The following NAALADL2 variants were observed in gnomAD, a reference collection of about 807,000 sequenced individuals.
NAALADL2 encodes the protein N-acetylated alpha-linked acidic dipeptidase like 2, also known as inactive N-acetylated-alpha-linked acidic dipeptidase-like protein 2.
NAALADL2 carries 76 observed loss-of-function variants against 87.2 expected under a neutral mutation model. The observed-to-expected ratio is 0.87, with a 90% CI of 0.72 to 1.05. The LOEUF is 1.05. NAALADL2 is among the 50% of genes least tolerant of loss of function. The pLI is 0.00. For missense variants in NAALADL2, 1,089 were observed against 945.8 expected, an observed-to-expected ratio of 1.15 and a Z score of -1.99; for synonymous variants, 354 against 331.0, an observed-to-expected ratio of 1.07 and a Z score of -0.75.
At chr3:175,357,675 C>T (rs892751344) in intron 5 of NAALADL2, among the ~76,000 whole-genome samples, 3 of 152,130 alleles carry the variant, frequency 2.0e-5, no homozygotes, top group African/African-American at 7.2e-5. Flanking sequence ...CTGAACCTAA[C>T]AAGATATGTC....
rs1295358460 is a variant in NAALADL2 at position 174,644,468 on chromosome 3, T to A, written c.-114-93173T>A. 3.9e-5 allele frequency among the ~76,000 whole-genome samples: 6 copies of A among 152,168 alleles called. No homozygotes were observed. The East Asian group carries it at 1.2e-3, about 29-fold the overall frequency. On this transcript the variant is annotated intron_variant, in intron 2 of 3. Transcript: ENST00000434257. ...AAGGAGGAAGAGGAAGAGGAATGGTTGATCTTGCTGTCTCCAGGGTGGCAG... is the reference window on the plus strand; with the variant it reads ...AAGGAGGAAGAGGAAGAGGAATGGTAGATCTTGCTGTCTCCAGGGTGGCAG...
At chr3:174,816,126 C>G (rs2861849) in intron 3 of NAALADL2, among the ~76,000 whole-genome samples, 30,123 of 151,804 alleles carry the variant, frequency 0.2, 3,597 homozygotes, top group African/African-American at 0.32. Context: ...TTATATATTC[C>G]TTTAAATTGT....
intron 5 of NAALADL2, among the ~76,000 whole-genome samples, chr3:175,333,406 G>A (rs576453823): frequency 2.6e-5 from 4 of 152,236 alleles, no homozygotes; most frequent in South Asian, 4.1e-4. Flanking sequence ...CCCAGGTGGT[G>A]GCTGTAAGCA....
intron 9 of NAALADL2, among the ~76,000 whole-genome samples, chr3:175,566,514 G>T (rs1302701051): frequency 6.6e-6 from 1 of 152,072 alleles, no homozygotes; most frequent in Non-Finnish European, 1.5e-5. Context: ...TCTTTCTAAA[G>T]ACTGTATATT....
chr3:174,873,491 G>A (rs555979571), intron 1 of NAALADL2, among the ~76,000 whole-genome samples: 54 of 152,044 alleles, frequency 3.6e-4, no homozygotes, highest in Non-Finnish European at 5.4e-4. Context: ...CCGACCTTGC[G>A]ATCCACCCAC....
At chr3:174,902,451 G>T (rs1732430827) in intron 1 of NAALADL2, among the ~76,000 whole-genome samples, 1 of 151,954 alleles carries the variant, frequency 6.6e-6, no homozygotes, top group Non-Finnish European at 1.5e-5. Context: ...GGGGGGTGGG[G>T]TTTAACTAAA....
At chr3:175,059,044 T>C (rs1021401462) in intron 1 of NAALADL2, among the ~76,000 whole-genome samples, 1 of 152,194 alleles carries the variant, frequency 6.6e-6, no homozygotes, top group African/African-American at 2.4e-5. Context: ...TGGTGGTGTA[T>C]TGAAAATGCT....
intron 1 of NAALADL2, among the ~76,000 whole-genome samples, chr3:174,444,428 A>G (rs10936791): frequency 0.27 from 41,518 of 152,100 alleles, 6,083 homozygotes; most frequent in South Asian, 0.45. Context: ...GAATACTTTG[A>G]GATTCTAAGA....
intron 2 of NAALADL2, among the ~76,000 whole-genome samples, chr3:175,204,929 C>T (rs989568425): frequency 6.6e-6 from 1 of 151,938 alleles, no homozygotes; most frequent in Non-Finnish European, 1.5e-5. Context: ...AGGAAAACTA[C>T]AAAACACTGC....
chr3:175,197,364 ATATC>A (rs1739180671), intron 2 of NAALADL2, among the ~76,000 whole-genome samples: 3 of 152,186 alleles, frequency 2.0e-5, no homozygotes, highest in African/African-American at 7.2e-5. Context: ...AAAATAGACT[ATATC>A]TACGTATATT....
intron 5 of NAALADL2, among the ~76,000 whole-genome samples, chr3:175,380,485 C>T (rs919975998): frequency 2.9e-4 from 44 of 152,050 alleles, no homozygotes; most frequent in African/African-American, 1.0e-3. Context: ...CAAAGAATTA[C>T]AGACAAAAAT....
intron 1 of NAALADL2, among the ~76,000 whole-genome samples, chr3:174,985,794 C>A (rs9820949): frequency 0.094 from 14,205 of 151,672 alleles, 1,550 homozygotes; most frequent in African/African-American, 0.26. Context: ...CTATACTAAA[C>A]ATACAAAATT....
At chr3:174,747,290 A>G (rs139080529) in intron 3 of NAALADL2, among the ~76,000 whole-genome samples, 3 of 152,302 alleles carry the variant, frequency 2.0e-5, no homozygotes, top group African/African-American at 4.8e-5. Flanking sequence ...ACACTTCTCA[A>G]GGAATACATT....
intron 11 of NAALADL2, among the ~76,000 whole-genome samples, chr3:175,683,267 T>C (rs980121990): frequency 1.3e-5 from 2 of 152,114 alleles, no homozygotes; most frequent in Non-Finnish European, 1.5e-5. Flanking sequence ...TTGTGTTAGA[T>C]TGTGGTTCAA....
chr3:174,777,314 CCT>C (rs1715333549), intron 3 of NAALADL2, among the ~76,000 whole-genome samples: 2 of 152,174 alleles, frequency 1.3e-5, no homozygotes, highest in African/African-American at 2.4e-5. Flanking sequence ...TGTCCTTCTT[CCT>C]CTGTTCTAAC....
chr3:174,858,020 G>A (rs988607759), upstream of NAALADL2, among the ~76,000 whole-genome samples: 3 of 151,132 alleles, frequency 2.0e-5, no homozygotes, highest in Middle Eastern at 3.5e-3. Flanking sequence ...AAATTAAAAA[G>A]CAATGGATTA....
intron 4 of NAALADL2, among the ~76,000 whole-genome samples, chr3:175,277,671 T>C (rs562480434): frequency 1.3e-5 from 2 of 152,234 alleles, no homozygotes; most frequent in East Asian, 3.9e-4. Flanking sequence ...GACCATTTGG[T>C]CTTTACTGAT....
At chr3:175,142,373 C>T (rs986371801) in intron 2 of NAALADL2, among the ~76,000 whole-genome samples, 1 of 151,892 alleles carries the variant, frequency 6.6e-6, no homozygotes, top group African/African-American at 2.4e-5. Flanking sequence ...AGACGTACTC[C>T]CCTGACTTTA....
At chr3:175,582,074 C>G (rs1719865602) in intron 10 of NAALADL2, among the ~76,000 whole-genome samples, 1 of 152,070 alleles carries the variant, frequency 6.6e-6, no homozygotes, top group Non-Finnish European at 1.5e-5. Context: ...CTCCAATCAA[C>G]AAATCAACAG....
Sources: gnomAD v4.1 joint callset for allele counts (sites outside exome capture counted in the v4.1 genomes callset) on GRCh38, gnomAD v4.1.1 for gene constraint, MANE v1.5 for transcripts, NCBI Gene and HGNC (gene_info 2026-07-23, HGNC 2026-07-21) for gene names.